SMG6: variants seen among roughly 807,000 people sequenced by gnomAD.
SMG6 encodes the protein telomerase-binding protein EST1A.
SMG6 carries 66 observed loss-of-function variants against 142.2 expected under a neutral mutation model. The observed-to-expected ratio is 0.46, with a 90% confidence interval of 0.38 to 0.57. The LOEUF is 0.57. Among genes scored for constraint, SMG6 ranks in the 20% least tolerant of loss-of-function variants. The probability of loss-of-function intolerance (pLI) is 0.00; values close to 1 mark genes in which losing one functional copy is unlikely to be tolerated. For synonymous variants in SMG6, 779 were observed against 702.4 expected (o/e 1.11, Z -1.72); for missense variants, 1,793 against 1,832.0 (o/e 0.98, Z 0.39).
chr17:2,275,457 A>G (rs1286071024), intron 8 of SMG6, among the ~76,000 whole-genome samples: 2 of 152,106 alleles, frequency 1.3e-5, no homozygotes, highest in Non-Finnish European at 2.9e-5. Context: ...CTATCAGTCT[A>G]TCATCTATCA....
chr17:2,266,765 G>A (rs1205809764), intron 8 of SMG6, among the ~76,000 whole-genome samples: 1 of 152,154 alleles, frequency 6.6e-6, no homozygotes, highest in Admixed American at 6.5e-5. Flanking sequence ...AGGGTTTATA[G>A]GTAGGGCTGA....
chr17:2,205,784 T>TA (rs2072659700), intron 10 of SMG6, among the ~76,000 whole-genome samples: 1 of 152,112 alleles, frequency 6.6e-6, no homozygotes, highest in South Asian at 2.1e-4. Context: ...ACCTTACAGA[T>TA]ATATAGATAA....
At chr17:2,287,651 TATCC>T (rs1324460870) in intron 6 of SMG6, among the ~76,000 whole-genome samples, 1 of 152,206 alleles carries the variant, frequency 6.6e-6, no homozygotes, top group Non-Finnish European at 1.5e-5. Context: ...GCAATCCAAG[TATCC>T]ATCAATGGGT....
chr17:2,257,268 C>T (rs2074206126), intron 8 of SMG6, among the ~76,000 whole-genome samples: 1 of 151,864 alleles, frequency 6.6e-6, no homozygotes, highest in Non-Finnish European at 1.5e-5. Context: ...GTATTTTCAG[C>T]AGAGACGGGA....
chr17:2,293,894 C>T (rs1015208995), intron 4 of SMG6, among the ~76,000 whole-genome samples: 1 of 152,200 alleles, frequency 6.6e-6, no homozygotes, highest in Admixed American at 6.5e-5. Context: ...TAACAACGTG[C>T]CACACACTGT....
At chr17:2,197,602 A>C (rs556870605) in intron 10 of SMG6, among the ~76,000 whole-genome samples, 1 of 152,176 alleles carries the variant, frequency 6.6e-6, no homozygotes, top group South Asian at 2.1e-4. Flanking sequence ...ACAAACCAAA[A>C]AACAAAAAAC....
Position 2,299,232 on chromosome 17 carries a change from G to C in SMG6, c.1521C>G (p.Pro507=). The C allele has an allele frequency of 3.1e-6, 5 of 1,614,044 alleles. No individual in the cohort carries two copies. In the South Asian group the frequency reaches 5.5e-5, roughly 18 times the overall value. ...SYYKFQNSDN[P]YYYPRTPGPA... is the part of the protein sequence containing the mutation. ...GGCCTGGTGTCCGGGGGTAATAATA[G>C]GGGTTGTCAGAGTTTTGAAACTTAT... is the stretch of plus-strand genomic sequence containing the variant. The change falls in exon 2 of 19, where the codon CCC becomes CCG. Residue 507 remains proline (P), a synonymous_variant. Transcript: ENST00000263073. This position sits in a 1 kb window ranked among gnomAD's most constrained non-coding sequence, Gnocchi z 4.3.
chr17:2,179,965 C>T (rs117023786), intron 12 of SMG6, among the ~76,000 whole-genome samples: 559 of 152,284 alleles, frequency 3.7e-3, no homozygotes, highest in Middle Eastern at 0.014. Flanking sequence ...TTCTCAAAGT[C>T]CCCTGACTCT....
chr17:2,135,117 T>TGATC (rs1255971917), intron 13 of SMG6, among the ~76,000 whole-genome samples: 1 of 152,234 alleles, frequency 6.6e-6, no homozygotes, highest in Non-Finnish European at 1.5e-5. Flanking sequence ...TGACCTCAGG[T>TGATC]GATCCACCTG....
intron 8 of SMG6, among the ~76,000 whole-genome samples, chr17:2,252,210 G>A (rs918685698): frequency 2.0e-5 from 3 of 152,090 alleles, no homozygotes; most frequent in African/African-American, 7.2e-5. Context: ...TCAAGAGATC[G>A]AGCCCATCCT....
chr17:2,303,462 C>T, intron 1 of SMG6, 171 bp downstream of exon 1: 1 of 1,318,162 alleles, frequency 7.6e-7, no homozygotes, highest in South Asian at 2.1e-5. Flanking sequence ...CGACCCCGCA[C>T]TAACCCGCGA....
chr17:2,213,424 CCT>C (rs1441525530), intron 10 of SMG6, among the ~76,000 whole-genome samples: 1 of 152,146 alleles, frequency 6.6e-6, no homozygotes, highest in East Asian at 1.9e-4. Context: ...AGCGCTAGGC[CCT>C]GATGCCGCAG....
chr17:2,064,610 CAG>C (rs1367114392), intron 18 of SMG6, among the ~76,000 whole-genome samples: 4 of 152,120 alleles, frequency 2.6e-5, no homozygotes, highest in African/African-American at 7.2e-5. Context: ...GGTAAACACT[CAG>C]GGGTGAACAG....
intron 13 of SMG6, among the ~76,000 whole-genome samples, chr17:2,116,002 T>G (rs1257838092): frequency 6.6e-6 from 1 of 152,208 alleles, no homozygotes; most frequent in Non-Finnish European, 1.5e-5. Context: ...TCACTGTGCC[T>G]GGCCACATTT....
intron 13 of SMG6, among the ~76,000 whole-genome samples, chr17:2,154,296 C>T (rs1597481907): frequency 4.3e-5 from 6 of 139,704 alleles, no homozygotes; most frequent in East Asian, 2.2e-4. Context: ...TAGAGTGTGA[C>T]GGTGACTGGG....
intron 13 of SMG6, chr17:2,087,673 A>G: frequency 3.0e-6 from 3 of 990,010 alleles, no homozygotes; most frequent in Non-Finnish European, 3.6e-6. Context: ...GCCTGGTTCC[A>G]TTGCGTGTAT....
chr17:2,174,617 C>T (rs1254374210), intron 12 of SMG6, among the ~76,000 whole-genome samples: 3 of 152,176 alleles, frequency 2.0e-5, no homozygotes, highest in Non-Finnish European at 2.9e-5. Context: ...AGAAGTAACT[C>T]GCTTCACAGG....
chr17:2,192,065 C>T (rs1226204109), intron 10 of SMG6, among the ~76,000 whole-genome samples: 1 of 152,194 alleles, frequency 6.6e-6, no homozygotes, highest in African/African-American at 2.4e-5. Flanking sequence ...ACGGTGCTGC[C>T]AAAGCAAAGC....
At chr17:2,119,509 T>C (rs184716981) in intron 13 of SMG6, among the ~76,000 whole-genome samples, 158 of 151,822 alleles carry the variant, frequency 1.0e-3, no homozygotes, top group African/African-American at 3.2e-3. Context: ...TTATTTATTA[T>C]TATTATTTGA....
Sources: gnomAD v4.1 joint callset for allele counts (sites outside exome capture counted in the v4.1 genomes callset) on GRCh38, gnomAD v4.1.1 for gene constraint, Gnocchi (gnomAD v3.1) non-coding constraint, MANE v1.5 for transcripts, NCBI Gene and HGNC (gene_info 2026-07-23, HGNC 2026-07-21) for gene names.